Variants in MAF observed in about 807,000 individuals in gnomAD.
MAF encodes the protein transcription factor Maf.
In MAF, 10 loss-of-function variants were observed where a neutral mutation model predicts 22.0. The ratio of observed to expected loss-of-function variants is 0.45; its 90% CI spans 0.28 to 0.77. The LOEUF is 0.77. MAF is among the 30% of genes least tolerant of loss of function. The probability of loss-of-function intolerance (pLI) is 0.12; values close to 1 mark genes in which losing one functional copy is unlikely to be tolerated. For missense variants in MAF, 544 were observed against 548.4 expected (o/e 0.99, Z 0.08); for synonymous variants, 337 against 255.8 (o/e 1.32, Z -3.03).
At chr16:79,560,345 C>T in the MAF span, among the ~76,000 whole-genome samples, 2 of 151,948 alleles carry the variant, frequency 1.3e-5, no homozygotes, top group African/African-American at 4.8e-5. Context: ...GTGTAAGCCT[C>T]CATCTGGACA....
At chr16:79,571,387 C>T in the MAF span, among the ~76,000 whole-genome samples, 9 of 152,122 alleles carry the variant, frequency 5.9e-5, no homozygotes, top group South Asian at 2.1e-4. Flanking sequence ...GGTATGAAAA[C>T]GTCTGATTCA....
the MAF span, among the ~76,000 whole-genome samples, chr16:79,379,649 T>C: frequency 1.6e-4 from 24 of 152,306 alleles, no homozygotes; most frequent in East Asian, 2.9e-3. Flanking sequence ...TCAAGAGTGG[T>C]CACTTTGAAT....
At chr16:79,500,595 G>A in the MAF span, among the ~76,000 whole-genome samples, 1 of 152,158 alleles carries the variant, frequency 6.6e-6, no homozygotes, top group Non-Finnish European at 1.5e-5. Flanking sequence ...CCACCCAGAG[G>A]CTGGGTGGCT....
chr16:79,273,097 G>C, the MAF span, among the ~76,000 whole-genome samples: 40 of 152,306 alleles, frequency 2.6e-4, no homozygotes, highest in Middle Eastern at 0.01. Flanking sequence ...GTTTTGCTCT[G>C]CGGTGTCCTT....
the MAF span, among the ~76,000 whole-genome samples, chr16:79,468,306 G>T: frequency 1.3e-5 from 2 of 152,190 alleles, no homozygotes; most frequent in Non-Finnish European, 2.9e-5. Flanking sequence ...GCTGCCCTGG[G>T]CCGGCCAGAC....
the MAF span, among the ~76,000 whole-genome samples, chr16:79,420,525 C>T: frequency 9.2e-5 from 14 of 152,080 alleles, no homozygotes; most frequent in Non-Finnish European, 1.8e-4. Flanking sequence ...AGTGATTTTT[C>T]AAATCACTGC....
the MAF span, among the ~76,000 whole-genome samples, chr16:79,310,458 A>C: frequency 6.6e-6 from 1 of 152,176 alleles, no homozygotes; most frequent in African/African-American, 2.4e-5. Context: ...GAACCAGGCC[A>C]ACTTGAAACG....
the MAF span, among the ~76,000 whole-genome samples, chr16:79,524,300 G>C: frequency 6.6e-6 from 1 of 152,192 alleles, no homozygotes; most frequent in Non-Finnish European, 1.5e-5. Context: ...TGCTCAGATT[G>C]CCTGCTCCAC....
chr16:79,300,510 C>T, the MAF span, among the ~76,000 whole-genome samples: 5 of 151,686 alleles, frequency 3.3e-5, no homozygotes, highest in East Asian at 1.9e-4. Flanking sequence ...AGTGGAGATC[C>T]GGCCACTGCA....
chr16:79,430,452 G>A, the MAF span, among the ~76,000 whole-genome samples: 1 of 152,206 alleles, frequency 6.6e-6, no homozygotes. Flanking sequence ...CCCTGATTTA[G>A]GCTGTCACTC....
chr16:79,356,094 C>A, the MAF span, among the ~76,000 whole-genome samples: 1 of 152,042 alleles, frequency 6.6e-6, no homozygotes, highest in African/African-American at 2.4e-5. Flanking sequence ...CCTACACACC[C>A]ACACGTGCAT....
chr16:79,566,337 C>G, the MAF span, among the ~76,000 whole-genome samples: 1 of 152,150 alleles, frequency 6.6e-6, no homozygotes, highest in South Asian at 2.1e-4. Flanking sequence ...GCTGTAAGAG[C>G]TGAGGGAATG....
chr16:79,574,545 C>T, the MAF span, among the ~76,000 whole-genome samples: 1 of 152,180 alleles, frequency 6.6e-6, no homozygotes, highest in African/African-American at 2.4e-5. Flanking sequence ...CTGGGATGAA[C>T]TGATCACTTC....
the MAF span, among the ~76,000 whole-genome samples, chr16:79,211,098 G>T: frequency 6.6e-6 from 1 of 150,646 alleles, no homozygotes; most frequent in African/African-American, 2.4e-5. Flanking sequence ...CCTTCCCCTA[G>T]CAGCACCGTG....
the MAF span, among the ~76,000 whole-genome samples, chr16:79,426,872 A>G: frequency 6.6e-6 from 1 of 152,214 alleles, no homozygotes; most frequent in Non-Finnish European, 1.5e-5. Flanking sequence ...AAAATCCCAC[A>G]ATGAAGCTGA....
At chr16:79,482,562 G>A in the MAF span, among the ~76,000 whole-genome samples, 2 of 152,146 alleles carry the variant, frequency 1.3e-5, no homozygotes, top group African/African-American at 4.8e-5. Flanking sequence ...ATTACAGAAT[G>A]AGGAGTTCAC....
the MAF span, among the ~76,000 whole-genome samples, chr16:79,315,539 G>C: frequency 2.0e-5 from 3 of 152,184 alleles, no homozygotes; most frequent in African/African-American, 4.8e-5. Context: ...CACGCTGTTA[G>C]TAAGTGTACC....
At chr16:79,373,199 T>C in the MAF span, among the ~76,000 whole-genome samples, 22 of 151,960 alleles carry the variant, frequency 1.4e-4, no homozygotes, top group Admixed American at 1.4e-3. Context: ...ATGGTTTGAA[T>C]GTTTGTCCTC....
the MAF span, among the ~76,000 whole-genome samples, chr16:79,332,727 T>C: frequency 3.3e-5 from 5 of 152,252 alleles, no homozygotes; most frequent in African/African-American, 7.2e-5. Flanking sequence ...TCTCCTTTGA[T>C]GGAGGAGTAA....
Sources: allele counts gnomAD v4.1 joint callset (sites outside exome capture counted in the v4.1 genomes callset), GRCh38; gene constraint gnomAD v4.1.1; transcripts MANE v1.5; gene names NCBI Gene and HGNC (gene_info 2026-07-23, HGNC 2026-07-21).